RBM19: variants seen among roughly 807,000 people sequenced by gnomAD.
RBM19 encodes the protein RNA binding motif protein 19, also known as probable RNA-binding protein 19.
RBM19 carries 94 observed loss-of-function variants against 116.8 expected under a neutral mutation model. That is an observed-to-expected ratio of 0.80 (90% CI 0.68 to 0.95). The LOEUF (loss-of-function observed/expected upper bound fraction) is 0.95. RBM19 is among the 40% of genes least tolerant of loss of function. The pLI, the probability that RBM19 is intolerant of heterozygous loss-of-function variation, is 0.00. For missense variants in RBM19, 1,161 were observed against 1,220.7 expected (o/e 0.95, Z 0.73); for synonymous variants, 475 against 494.1 (o/e 0.96, Z 0.51).
chr12:113,894,068 C>T (rs1278210254), intron 21 of RBM19, among the ~76,000 whole-genome samples: 1 of 152,146 alleles, frequency 6.6e-6, no homozygotes, highest in African/African-American at 2.4e-5. Context: ...TTCATAGCTC[C>T]CTTTTCTACC....
chr12:113,911,175 T>C (rs539323250), intron 21 of RBM19, among the ~76,000 whole-genome samples: 1 of 152,122 alleles, frequency 6.6e-6, no homozygotes, highest in African/African-American at 2.4e-5. Context: ...CTTGTTTGAG[T>C]GGTGGGGTGA....
rs564968170 is a variant in RBM19 at position 113,966,296 on chromosome 12, C to T, written c.-69G>A. On this transcript the variant is annotated 5_prime_UTR_variant, in exon 1 of 24. Coordinates refer to ENST00000261741, the MANE Select transcript of RBM19 (RefSeq NM_016196.4). ...CGTCTTCCACCAAGTTTCACGCTAC[C>T]GCCCTGGGCGCCGCCATCTTTACCG... is the stretch of plus-strand genomic sequence containing the variant. 1 of 1,595,244 alleles carries T rather than the reference C, an allele frequency of 6.3e-7. No individual in the cohort carries two copies. Among genetic ancestry groups the T allele is most frequent in the Admixed American group, 1.7e-5 (1 of 59,892 alleles).
chr12:113,906,257 CA>C lies in RBM19; in HGVS notation c.2558+8711del. Among the ~76,000 whole-genome samples, 3 of 152,276 alleles carry C rather than the reference CA, an allele frequency of 2.0e-5. No individual in the cohort carries two copies. The East Asian group carries it at 5.8e-4, about 29-fold the overall frequency. Reference sequence around the variant, plus strand: ...GGGTAAGTATATTGCAACATATTCACACAATGGAATTCTAGATGGTCACAAC... The same window carrying C: ...GGGTAAGTATATTGCAACATATTCACCAATGGAATTCTAGATGGTCACAAC... On this transcript the variant is annotated intron_variant, in intron 21 of 23. Coordinates refer to ENST00000261741, the MANE Select transcript of RBM19 (RefSeq NM_016196.4).
At chr12:113,959,786 G>T in intron 4 of RBM19, 79 bp downstream of exon 4, 2 of 1,532,050 alleles carry the variant, frequency 1.3e-6, no homozygotes, top group Non-Finnish European at 1.8e-6. Flanking sequence ...CCCTCTCCCA[G>T]CCTCTACCCT....
At chr12:113,965,570 T>A (rs150768954) in intron 1 of RBM19, among the ~76,000 whole-genome samples, 1 of 152,088 alleles carries the variant, frequency 6.6e-6, no homozygotes, top group Non-Finnish European at 1.5e-5. Context: ...AAAAGGATGA[T>A]CCATTCGAGC....
chr12:113,876,906 A>G (rs904216152), intron 21 of RBM19, among the ~76,000 whole-genome samples: 4 of 152,248 alleles, frequency 2.6e-5, no homozygotes, highest in African/African-American at 9.6e-5. Context: ...GTTTAAGAAT[A>G]ACCCTCCCTC....
intron 21 of RBM19, among the ~76,000 whole-genome samples, chr12:113,865,805 A>G (rs1025649806): frequency 1.3e-5 from 2 of 151,826 alleles, no homozygotes; most frequent in African/African-American, 4.8e-5. Flanking sequence ...TATTCCTTCC[A>G]GGCAATGAAT....
At chr12:113,931,842 C>T (rs1869631116) in intron 16 of RBM19, among the ~76,000 whole-genome samples, 1 of 152,206 alleles carries the variant, frequency 6.6e-6, no homozygotes, top group Admixed American at 6.5e-5. Context: ...GGCCCAACCA[C>T]TCGCTGTTCC....
intron 19 of RBM19, 89 bp downstream of exon 19, chr12:113,920,522 A>G (rs1868433894): frequency 2.5e-6 from 3 of 1,187,864 alleles, no homozygotes; most frequent in African/African-American, 3.0e-5. Context: ...GACTTCATAC[A>G]TATTCTCACT....
At chr12:113,869,779 G>A (rs190623660) in intron 21 of RBM19, among the ~76,000 whole-genome samples, 1 of 152,118 alleles carries the variant, frequency 6.6e-6, no homozygotes, top group Non-Finnish European at 1.5e-5. Flanking sequence ...TTAATCAGCC[G>A]CATATCTTGC....
At chr12:113,936,093 T>G (rs1048467397) in intron 16 of RBM19, among the ~76,000 whole-genome samples, 1 of 108,410 alleles carries the variant, frequency 9.2e-6, no homozygotes, top group Admixed American at 8.0e-5. Context: ...TCCTCCCCAT[T>G]TTTTTTTAAC....
At chr12:113,927,591 C>CAAAAAAAAAAAAAAA (rs764020256) in intron 16 of RBM19, among the ~76,000 whole-genome samples, 1 of 63,052 alleles carries the variant, frequency 1.6e-5, no homozygotes. Flanking sequence ...CCTCAAAAAA[C>CAAAAAAAAAAAAAAA]AAAAAAAAAA....
chr12:113,830,596 A>ATG (rs1172496787), intron 23 of RBM19, among the ~76,000 whole-genome samples: 2 of 68,578 alleles, frequency 2.9e-5, no homozygotes, highest in African/African-American at 1.2e-4. Context: ...GGGGTGGGCT[A>ATG]TGCCTGGGGG....
intron 22 of RBM19, among the ~76,000 whole-genome samples, chr12:113,849,257 G>A (rs1000770576): frequency 3.9e-5 from 6 of 152,216 alleles, no homozygotes; most frequent in African/African-American, 1.4e-4. Context: ...GAGGGAAGGC[G>A]CTCCATGCTT....
chr12:113,883,120 T>G (rs1396775855), intron 21 of RBM19, among the ~76,000 whole-genome samples: 1 of 151,916 alleles, frequency 6.6e-6, no homozygotes, highest in African/African-American at 2.4e-5. Flanking sequence ...AACAGAGAGA[T>G]AACTTTGAGG....
chr12:113,962,462 G>C (rs755737261), intron 1 of RBM19, 48 bp from the exon 2 acceptor site: 1 of 1,555,502 alleles, frequency 6.4e-7, no homozygotes, highest in South Asian at 1.1e-5. Flanking sequence ...AGTCCCCAGA[G>C]CAAGGGGACA....
At position 113,903,437 on chromosome 12, in the gene RBM19, G is replaced by C. The variant is rs1022205431; in HGVS notation, c.2558+11532C>G. Among the ~76,000 whole-genome samples the C allele has an allele frequency of 6.6e-6, 1 of 152,184 alleles. No individual in the cohort carries two copies. Among genetic ancestry groups the C allele is most frequent in the Non-Finnish European group, 1.5e-5 (1 of 68,038 alleles). ...CATCAGCTGACAGACATCTGTTTTT[G>C]TGTGAACGTGAGTTGTCATTTCTCT... On this transcript the variant is annotated intron_variant, in intron 21 of 23. Transcript: ENST00000261741. This position sits in a 1 kb window ranked among gnomAD's most constrained non-coding sequence, Gnocchi z 5.1.
At chr12:113,955,708 C>T (rs1245115505) in intron 6 of RBM19, among the ~76,000 whole-genome samples, 1 of 152,242 alleles carries the variant, frequency 6.6e-6, no homozygotes. Context: ...TTTATGGCAA[C>T]AAAACCTGCC....
intron 21 of RBM19, among the ~76,000 whole-genome samples, chr12:113,861,586 A>G (rs1279727600): frequency 2.8e-5 from 4 of 144,114 alleles, no homozygotes; most frequent in Non-Finnish European, 4.6e-5. Context: ...GAGAGAGAGA[A>G]AGAGACTGTT....
Sources: gnomAD v4.1 joint callset for allele counts (sites outside exome capture counted in the v4.1 genomes callset) on GRCh38, gnomAD v4.1.1 for gene constraint, Gnocchi (gnomAD v3.1) non-coding constraint, MANE v1.5 for transcripts, NCBI Gene and HGNC (gene_info 2026-07-23, HGNC 2026-07-21) for gene names.